Variants in PLBD1 observed in about 807,000 individuals in gnomAD.
The protein encoded by PLBD1 is lysosomal leucine aminopeptidase.
In PLBD1, 60 loss-of-function variants were observed where a neutral mutation model predicts 63.0. That is an observed-to-expected ratio of 0.95 (90% CI 0.77 to 1.18). The LOEUF (loss-of-function observed/expected upper bound fraction) is 1.18, where lower values mean the gene tolerates loss of function less well. Ranked by LOEUF, PLBD1 falls within the 50% of genes most tolerant of loss-of-function variation. The pLI is 0.00. For missense variants in PLBD1, 598 were observed against 677.9 expected, an observed-to-expected ratio of 0.88 and a Z score of 1.31; for synonymous variants, 262 against 248.0, an observed-to-expected ratio of 1.06 and a Z score of -0.53.
chr12:14,555,803 C>A (rs1387007498), intron 1 of PLBD1, among the ~76,000 whole-genome samples: 1 of 152,192 alleles, frequency 6.6e-6, no homozygotes, highest in Non-Finnish European at 1.5e-5. Context: ...AGCAGCACCT[C>A]TGTTGCAGGG....
intron 6 of PLBD1, among the ~76,000 whole-genome samples, chr12:14,523,751 C>T (rs1225499485): frequency 1.3e-5 from 2 of 152,064 alleles, no homozygotes; most frequent in Non-Finnish European, 2.9e-5. Flanking sequence ...ATAAATGGTG[C>T]TTGGAAAACT....
chr12:14,553,213 CA>C lies in PLBD1; in HGVS notation c.314del (p.Leu105TrpfsTer10). 6.2e-7 allele frequency: 1 copy of C among 1,612,528 alleles called. No individual in the cohort carries two copies. Among genetic ancestry groups the C allele is most frequent in the South Asian group, 1.1e-5 (1 of 90,938 alleles). ...CTTACGGGGCAGTGAGGTAACCCTCCAAAAAGCCAGCCACAAACATGATGAT... is the reference window on the plus strand; with the variant it reads ...CTTACGGGGCAGTGAGGTAACCCTCCAAAAGCCAGCCACAAACATGATGAT... ...NEIIMFVAGF[L>X]EGYLTAPHMN... On this transcript the variant is annotated frameshift_variant, in exon 2 of 11. Transcript: ENST00000240617. LOFTEE classifies it high-confidence loss of function.
At chr12:14,563,503 G>A (rs1945758295) in intron 1 of PLBD1, among the ~76,000 whole-genome samples, 1 of 141,886 alleles carries the variant, frequency 7.0e-6, no homozygotes, top group Non-Finnish European at 1.5e-5. Context: ...GGGCAACAGA[G>A]CAAGACTCTG....
intron 4 of PLBD1, among the ~76,000 whole-genome samples, chr12:14,540,109 TTTATATATA>T (rs1565577666): frequency 3.1e-4 from 11 of 35,394 alleles, no homozygotes; most frequent in East Asian, 2.5e-3. Context: ...ATAAATATTA[TTTATATATA>T]TATATATATA....
At chr12:14,543,920 A>T (rs1945595138) in intron 2 of PLBD1, among the ~76,000 whole-genome samples, 2 of 151,998 alleles carry the variant, frequency 1.3e-5, no homozygotes, top group Admixed American at 1.3e-4. Flanking sequence ...ACATATTCTT[A>T]TTTTGCCCCT....
chr12:14,556,557 C>T (rs975370693), intron 1 of PLBD1, among the ~76,000 whole-genome samples: 1 of 151,802 alleles, frequency 6.6e-6, no homozygotes, highest in African/African-American at 2.4e-5. Flanking sequence ...TTAGTAGAGA[C>T]ATTGTTTCTC....
intron 6 of PLBD1, among the ~76,000 whole-genome samples, chr12:14,534,291 C>A (rs1945492247): frequency 6.6e-6 from 1 of 152,176 alleles, no homozygotes; most frequent in Non-Finnish European, 1.5e-5. Flanking sequence ...TCCAGTTGAA[C>A]CCTTAGATGT....
intron 10 of PLBD1, among the ~76,000 whole-genome samples, chr12:14,505,148 C>T (rs898428211): frequency 1.4e-5 from 2 of 147,164 alleles, no homozygotes; most frequent in African/African-American, 2.6e-5. Context: ...AGAGTCATTA[C>T]GGCTAAAGCT....
chr12:14,546,209 T>C (rs897270023), intron 2 of PLBD1, among the ~76,000 whole-genome samples: 1 of 151,652 alleles, frequency 6.6e-6, no homozygotes, highest in African/African-American at 2.4e-5. Context: ...ACCCCAGCAC[T>C]TGGGTGGTTG....
intron 6 of PLBD1, 133 bp from the exon 7 acceptor site, chr12:14,511,844 A>G: frequency 1.2e-6 from 1 of 857,034 alleles, no homozygotes; most frequent in Admixed American, 2.3e-5. Flanking sequence ...GATCTGCAGT[A>G]GCCTCCCCCA....
At chr12:14,540,047 T>TACACACACAC (rs1383361315) in intron 4 of PLBD1, among the ~76,000 whole-genome samples, 1 of 48,048 alleles carries the variant, frequency 2.1e-5, no homozygotes, top group African/African-American at 5.3e-5. Context: ...TATATATATA[T>TACACACACAC]ATATATACAC....
chr12:14,555,501 C>A (rs547046954), intron 1 of PLBD1, among the ~76,000 whole-genome samples: 23 of 152,126 alleles, frequency 1.5e-4, no homozygotes, highest in Non-Finnish European at 3.1e-4. Flanking sequence ...TGTGCCATTG[C>A]ACTCCAGCCT....
At chr12:14,559,028 C>G (rs1230109544) in intron 1 of PLBD1, among the ~76,000 whole-genome samples, 1 of 152,226 alleles carries the variant, frequency 6.6e-6, no homozygotes, top group African/African-American at 2.4e-5. Context: ...TTCAACTCTT[C>G]CTGGTTTTCC....
chr12:14,554,946 C>T (rs1945689555), intron 1 of PLBD1, among the ~76,000 whole-genome samples: 1 of 152,058 alleles, frequency 6.6e-6, no homozygotes, highest in Non-Finnish European at 1.5e-5. Flanking sequence ...GTGGTGTTTT[C>T]TCTCTCAGTG....
chr12:14,547,180 T>TTGTGTG (rs56182227), intron 2 of PLBD1, among the ~76,000 whole-genome samples: 29,342 of 137,956 alleles, frequency 0.21, 3,319 homozygotes, highest in Non-Finnish European at 0.26. Flanking sequence ...GCACCTGGCT[T>TTGTGTG]TGTGTGTGTG....
chr12:14,532,921 G>C (rs896189538), intron 6 of PLBD1: 1 of 152,294 alleles, frequency 6.6e-6, no homozygotes, highest in Non-Finnish European at 1.5e-5. Flanking sequence ...CTGGGAGGGT[G>C]GGGTTCCTGT....
At chr12:14,516,755 G>A (rs1945340033) in intron 6 of PLBD1, among the ~76,000 whole-genome samples, 1 of 152,026 alleles carries the variant, frequency 6.6e-6, no homozygotes, top group African/African-American at 2.4e-5. Flanking sequence ...AAAGTCCTTT[G>A]AGGCCAGGCA....
intron 4 of PLBD1, among the ~76,000 whole-genome samples, chr12:14,539,102 C>G (rs796311767): frequency 1.3e-5 from 2 of 152,118 alleles, no homozygotes; most frequent in African/African-American, 4.8e-5. Context: ...CTCATAGGTG[C>G]AAAACAGTAT....
At chr12:14,567,492 A>C in intron 1 of PLBD1, 90 bp downstream of exon 1, 1 of 1,379,748 alleles carries the variant, frequency 7.2e-7, no homozygotes. Context: ...CGCCCGCTGG[A>C]CGTCAACTCG....
Sources: gnomAD v4.1 joint callset for allele counts (sites outside exome capture counted in the v4.1 genomes callset) on GRCh38, gnomAD v4.1.1 for gene constraint, MANE v1.5 for transcripts, NCBI Gene and HGNC (gene_info 2026-07-23, HGNC 2026-07-21) for gene names.